The following ADGRV1 variants were observed in gnomAD, a reference collection of about 807,000 sequenced individuals.
ADGRV1 encodes adhesion G protein-coupled receptor V1.
In ADGRV1, 359 loss-of-function variants were observed where a neutral mutation model predicts 596.2. The observed-to-expected ratio is 0.60, with a 90% CI of 0.55 to 0.66. The LOEUF (loss-of-function observed/expected upper bound fraction) is 0.66. ADGRV1 is among the 30% of genes least tolerant of loss of function. The pLI is 0.00. For missense variants in ADGRV1, 7,274 were observed against 7,575.6 expected (o/e 0.96, Z 1.48); for synonymous variants, 2,681 against 2,679.2 (o/e 1.00, Z -0.02).
At chr5:90,676,783 T>C (rs1222999670) in intron 25 of ADGRV1, 1 of 152,368 alleles carries the variant, frequency 6.6e-6, no homozygotes, top group African/African-American at 2.4e-5. Context: ...TCTACAGATA[T>C]AACGCTGTAA....
intron 86 of ADGRV1, among the ~76,000 whole-genome samples, chr5:91,086,133 C>A (rs1789853955): frequency 6.6e-6 from 1 of 152,172 alleles, no homozygotes; most frequent in Non-Finnish European, 1.5e-5. Flanking sequence ...CAGGTCATAG[C>A]CCTTTCTTCT....
intron 85 of ADGRV1, among the ~76,000 whole-genome samples, chr5:90,991,288 C>T (rs1780937252): frequency 6.6e-6 from 1 of 152,122 alleles, no homozygotes; most frequent in African/African-American, 2.4e-5. Flanking sequence ...CATATGAATT[C>T]AAGCTTAAGA....
intron 83 of ADGRV1, among the ~76,000 whole-genome samples, chr5:90,956,474 T>C (rs4916834): frequency 0.068 from 10,332 of 152,260 alleles, 584 homozygotes; most frequent in East Asian, 0.24. Flanking sequence ...AATTTAATTA[T>C]GTTCACTCCA....
intron 41 of ADGRV1, 67 bp downstream of exon 41, chr5:90,711,389 TAC>T: frequency 8.1e-7 from 1 of 1,237,550 alleles, no homozygotes; most frequent in South Asian, 1.8e-5. Flanking sequence ...CCTTGAGAAT[TAC>T]AGTGATTTAG....
rs61741955 is a variant in ADGRV1 at position 90,810,929 on chromosome 5, G to A, written c.15669G>A (p.Gly5223=). Residue 5223 remains glycine (G), a synonymous_variant, in exon 74 of 90, where the codon GGG becomes GGA. Transcript: ENST00000405460. ...CCATTCATGGAACATTCAGCCTTGG[G>A]CCATCCATTGTTTATATTGAAGAGG... ...NVSIHGTFSL[G]PSIVYIEEEM... 434 of 1,613,978 alleles carry A rather than the reference G, an allele frequency of 2.7e-4. 3 individuals carry two copies. In the African/African-American group the frequency reaches 4.4e-3, roughly 16 times the overall value.
intron 85 of ADGRV1, among the ~76,000 whole-genome samples, chr5:91,014,161 C>CAG (rs1002752801): frequency 6.6e-6 from 1 of 151,006 alleles, no homozygotes; most frequent in African/African-American, 2.4e-5. Context: ...CACACACACA[C>CAG]ACACACACAC....
At chr5:90,603,202 G>A (rs17541704) in intron 1 of ADGRV1, among the ~76,000 whole-genome samples, 10,809 of 152,272 alleles carry the variant, frequency 0.071, 447 homozygotes, top group Non-Finnish European at 0.093. Context: ...GGGTCATCCA[G>A]AACATCAGAA....
chr5:90,831,131 C>G (rs1489788704), intron 77 of ADGRV1, among the ~76,000 whole-genome samples: 1 of 152,060 alleles, frequency 6.6e-6, no homozygotes, highest in Non-Finnish European at 1.5e-5. Context: ...CTCCTTTGGT[C>G]TTCAGCCTGT....
intron 87 of ADGRV1, among the ~76,000 whole-genome samples, chr5:91,119,725 C>T (rs1793147138): frequency 2.0e-5 from 3 of 152,214 alleles, no homozygotes; most frequent in South Asian, 2.1e-4. Context: ...AAACCACACA[C>T]ATCCACTTCT....
chr5:90,816,971 C>A (rs1762958290), intron 75 of ADGRV1, among the ~76,000 whole-genome samples: 1 of 151,912 alleles, frequency 6.6e-6, no homozygotes, highest in African/African-American at 2.4e-5. Context: ...GTTCTAGATC[C>A]CTGAGGAATT....
At chr5:91,030,972 C>T (rs1784436418) in intron 85 of ADGRV1, 6 of 1,273,462 alleles carry the variant, frequency 4.7e-6, no homozygotes, top group Non-Finnish European at 4.2e-6. Context: ...AAGGAAAAAA[C>T]GTCGACTGAT....
intron 1 of ADGRV1, among the ~76,000 whole-genome samples, chr5:90,611,202 G>T (rs533403884): frequency 1.1e-3 from 163 of 151,966 alleles, no homozygotes; most frequent in Non-Finnish European, 1.8e-3. Context: ...ATTTTACATT[G>T]TAAGAGCTGG....
intron 83 of ADGRV1, among the ~76,000 whole-genome samples, chr5:90,873,137 A>G (rs1027186006): frequency 6.6e-6 from 1 of 152,182 alleles, no homozygotes; most frequent in African/African-American, 2.4e-5. Flanking sequence ...TTTTTCATAT[A>G]TCACATCCAA....
chr5:91,142,261 G>T (rs982228587), intron 87 of ADGRV1, among the ~76,000 whole-genome samples: 4 of 151,602 alleles, frequency 2.6e-5, no homozygotes, highest in African/African-American at 9.8e-5. Context: ...GCATGCCAGG[G>T]ACCATACTAT....
intron 83 of ADGRV1, among the ~76,000 whole-genome samples, chr5:90,881,438 A>G (rs1325631878): frequency 6.6e-6 from 1 of 152,188 alleles, no homozygotes; most frequent in African/African-American, 2.4e-5. Context: ...CCCTCATTAA[A>G]TGTGCTACCA....
chr5:90,716,186 A>T (rs1750085853), intron 42 of ADGRV1, among the ~76,000 whole-genome samples: 1 of 152,176 alleles, frequency 6.6e-6, no homozygotes, highest in East Asian at 1.9e-4. Context: ...AATGCTGCTA[A>T]TGTTTCAATA....
At chr5:90,803,112 T>G (rs1277867632) in intron 71 of ADGRV1, among the ~76,000 whole-genome samples, 1 of 152,100 alleles carries the variant, frequency 6.6e-6, no homozygotes. Context: ...CTTGATATTT[T>G]GTATCTAATA....
At chr5:91,012,311 T>C (rs534795168) in intron 85 of ADGRV1, among the ~76,000 whole-genome samples, 47 of 152,092 alleles carry the variant, frequency 3.1e-4, no homozygotes, top group African/African-American at 1.1e-3. Context: ...TTATTCCCCA[T>C]TGAACAACTT....
At chr5:90,909,486 C>T (rs1162934232) in intron 83 of ADGRV1, among the ~76,000 whole-genome samples, 2 of 152,072 alleles carry the variant, frequency 1.3e-5, no homozygotes, top group African/African-American at 4.8e-5. Flanking sequence ...TGACCCACTC[C>T]ATAGGTGATA....
Sources: gnomAD v4.1 joint callset for allele counts (sites outside exome capture counted in the v4.1 genomes callset) on GRCh38, gnomAD v4.1.1 for gene constraint, MANE v1.5 for transcripts, NCBI Gene and HGNC (gene_info 2026-07-23, HGNC 2026-07-21) for gene names.